The following PAK5 variants were observed in gnomAD, a reference collection of about 807,000 sequenced individuals.
The protein encoded by PAK5 is p21 (RAC1) activated kinase 5.
In PAK5, 16 loss-of-function variants were observed where a neutral mutation model predicts 65.9. The observed-to-expected ratio is 0.24, with a 90% confidence interval of 0.16 to 0.37. The LOEUF is 0.37. PAK5 is among the 10% of genes least tolerant of loss of function. PAK5 has a pLI of 1.00. For synonymous variants in PAK5, 371 were observed against 354.9 expected (o/e 1.05, Z -0.51); for missense variants, 785 against 903.9 (o/e 0.87, Z 1.69).
rs546974870 is a variant in PAK5 at position 9,827,975 on chromosome 20, G to T, written c.-162+10787C>A. 2.3e-4 allele frequency among the ~76,000 whole-genome samples: 35 copies of T among 152,292 alleles called. 1 individual carries two copies. In the South Asian group the frequency reaches 4.4e-3, roughly 19 times the overall value. On this transcript the variant is annotated intron_variant, in intron 1 of 9. Transcript: ENST00000353224. ...GCATCCCAAGTAGCTGGGATCACAGGCGTGCGCCACCATGCCCAGCTAATG... is the reference window on the plus strand; with the variant it reads ...GCATCCCAAGTAGCTGGGATCACAGTCGTGCGCCACCATGCCCAGCTAATG...
chr20:9,752,176 T>C (rs898682571), intron 1 of PAK5, among the ~76,000 whole-genome samples: 4 of 151,968 alleles, frequency 2.6e-5, no homozygotes, highest in Non-Finnish European at 5.9e-5. Context: ...ATAAATCATA[T>C]GAAAAGTTGC....
chr20:9,589,693 GGA>G (rs1384756811), intron 3 of PAK5, among the ~76,000 whole-genome samples: 2 of 152,116 alleles, frequency 1.3e-5, no homozygotes, highest in African/African-American at 4.8e-5. Flanking sequence ...GTTTTGAGAT[GGA>G]GTTTCACCTT....
At chr20:9,682,133 G>A (rs551788102) in intron 2 of PAK5, among the ~76,000 whole-genome samples, 18 of 152,260 alleles carry the variant, frequency 1.2e-4, no homozygotes, top group African/African-American at 2.4e-4. Flanking sequence ...TGAGGCAGGC[G>A]GATCACGAGG....
chr20:9,771,772 C>T (rs912810555), intron 1 of PAK5, among the ~76,000 whole-genome samples: 1 of 151,952 alleles, frequency 6.6e-6, no homozygotes, highest in African/African-American at 2.4e-5. Flanking sequence ...GGAACAGTGG[C>T]TCATGCCTGT....
chr20:9,704,874 G>A (rs1331096021), intron 2 of PAK5, among the ~76,000 whole-genome samples: 1 of 152,108 alleles, frequency 6.6e-6, no homozygotes, highest in Non-Finnish European at 1.5e-5. Context: ...GAGACATGCT[G>A]TATAGGCCTT....
intron 4 of PAK5, among the ~76,000 whole-genome samples, chr20:9,573,101 T>C (rs565602308): frequency 2.6e-5 from 4 of 151,862 alleles, no homozygotes; most frequent in Admixed American, 6.6e-5. Flanking sequence ...ATTTCCTCTT[T>C]TTTTTTTTTG....
intron 9 of PAK5, 26 bp from the exon 10 acceptor site, chr20:9,539,643 T>C: frequency 6.2e-7 from 1 of 1,607,850 alleles, no homozygotes; most frequent in Non-Finnish European, 8.5e-7. Context: ...GATACCAATC[T>C]GAGGACTAAC....
Position 9,635,038 on chromosome 20 carries a change from G to A in PAK5, c.204+9087C>T, listed in dbSNP as rs116238861. On this transcript the variant is annotated intron_variant, in intron 3 of 9. Coordinates refer to ENST00000353224, the MANE Select transcript of PAK5 (RefSeq NM_177990.4). ...TCTTCTGAAGTGGCATTTTTGACAAGAGGTTTTAAAACATAGGTAATCTGT... is the reference window on the plus strand; with the variant it reads ...TCTTCTGAAGTGGCATTTTTGACAAAAGGTTTTAAAACATAGGTAATCTGT... 1.9e-3 allele frequency among the ~76,000 whole-genome samples: 285 copies of A among 152,278 alleles called. 5 individuals are homozygous for A. The highest frequency in any genetic ancestry group is 6.6e-3 in the African/African-American group (273 of 41,554).
At chr20:9,753,456 G>C (rs1222034862) in intron 1 of PAK5, among the ~76,000 whole-genome samples, 1 of 152,048 alleles carries the variant, frequency 6.6e-6, no homozygotes, top group Non-Finnish European at 1.5e-5. Flanking sequence ...TATTCTTTAA[G>C]CTTCACATTA....
chr20:9,722,981 C>A (rs868711949), intron 1 of PAK5, among the ~76,000 whole-genome samples: 2 of 152,118 alleles, frequency 1.3e-5, no homozygotes, highest in Non-Finnish European at 1.5e-5. Context: ...TCCTCCCCCC[C>A]TCATTCTCCC....
intron 4 of PAK5, among the ~76,000 whole-genome samples, chr20:9,571,032 T>C (rs554469900): frequency 1.3e-5 from 2 of 152,370 alleles, no homozygotes; most frequent in East Asian, 3.9e-4. Context: ...AAAAAGGTGC[T>C]GTTGTCTTTC....
chr20:9,779,163 T>C (rs1303438046), intron 1 of PAK5, among the ~76,000 whole-genome samples: 1 of 152,050 alleles, frequency 6.6e-6, no homozygotes, highest in Non-Finnish European at 1.5e-5. Context: ...TATTTATCAA[T>C]ATAACTGTTT....
At chr20:9,550,217 T>C (rs143432741) in intron 7 of PAK5, among the ~76,000 whole-genome samples, 1 of 152,142 alleles carries the variant, frequency 6.6e-6, no homozygotes, top group Non-Finnish European at 1.5e-5. Flanking sequence ...GGCACAAGCC[T>C]GTGATTGGGA....
intron 7 of PAK5, among the ~76,000 whole-genome samples, chr20:9,545,796 C>T (rs1282292694): frequency 6.6e-6 from 1 of 152,136 alleles, no homozygotes; most frequent in Non-Finnish European, 1.5e-5. Context: ...ACTCAGCATC[C>T]CTCTCTCTGC....
At chr20:9,704,899 G>A (rs906385082) in intron 2 of PAK5, among the ~76,000 whole-genome samples, 8 of 152,234 alleles carry the variant, frequency 5.3e-5, no homozygotes, top group South Asian at 2.1e-4. Context: ...GAGAGAGATC[G>A]TCAGAGAGAG....
intron 4 of PAK5, among the ~76,000 whole-genome samples, chr20:9,570,105 C>A (rs2045752610): frequency 6.6e-6 from 1 of 152,068 alleles, no homozygotes; most frequent in South Asian, 2.1e-4. Context: ...TAAAATGGAA[C>A]AATAATAATA....
At chr20:9,789,241 T>C (rs940819613) in intron 1 of PAK5, among the ~76,000 whole-genome samples, 1 of 152,176 alleles carries the variant, frequency 6.6e-6, no homozygotes, top group Non-Finnish European at 1.5e-5. Context: ...GTAGCAGAAG[T>C]TATGTCTTAT....
chr20:9,558,611 C>G (rs1301148571), intron 6 of PAK5, among the ~76,000 whole-genome samples: 1 of 152,148 alleles, frequency 6.6e-6, no homozygotes, highest in Non-Finnish European at 1.5e-5. Context: ...TGAGCTCAGG[C>G]AAAGTGGTCT....
At chr20:9,654,401 C>T (rs2047239990) in intron 2 of PAK5, among the ~76,000 whole-genome samples, 1 of 152,160 alleles carries the variant, frequency 6.6e-6, no homozygotes. Context: ...AACCTTAATT[C>T]CCCTTACAGA....
Sources: gnomAD v4.1 joint callset for allele counts (sites outside exome capture counted in the v4.1 genomes callset) on GRCh38, gnomAD v4.1.1 for gene constraint, MANE v1.5 for transcripts, NCBI Gene and HGNC (gene_info 2026-07-23, HGNC 2026-07-21) for gene names.